Variants in SLC39A9 observed in about 807,000 individuals in gnomAD.
The protein encoded by SLC39A9 is zinc transporter ZIP9.
A neutral mutation model predicts 28.4 loss-of-function variants in SLC39A9; 14 were observed. That is an observed-to-expected ratio of 0.49 (90% CI 0.33 to 0.77). The LOEUF (loss-of-function observed/expected upper bound fraction) is 0.77, where lower values mean the gene tolerates loss of function less well. Ranked by LOEUF, SLC39A9 falls within the 30% of genes least tolerant of loss-of-function variation. SLC39A9 has a pLI of 0.02. For missense variants in SLC39A9, 283 were observed against 381.1 expected (o/e 0.74, Z 2.14); for synonymous variants, 119 against 149.6 (o/e 0.80, Z 1.49).
Position 69,454,802 on chromosome 14 carries a change from C to A in SLC39A9, c.473-10C>A. The A allele has an allele frequency of 1.2e-6, 2 of 1,611,488 alleles. No homozygotes were observed. Among genetic ancestry groups the A allele is most frequent in the Non-Finnish European group, 1.7e-6 (2 of 1,177,776 alleles). ...TATAGTATTTTATGTTTCCTTGTTT[C>A]CAAATATAGCTGATGGTGTTGCTTT... On this transcript the variant is annotated splice_polypyrimidine_tract_variant and intron_variant, in intron 4 of 6. Transcript: ENST00000336643.
In SLC39A9 at chr14:69,459,621, G is replaced by A. The variant is rs921988887; in HGVS notation, c.*1028G>A. 1.0e-6 allele frequency: 1 copy of A among 981,866 alleles called. No individual in the cohort carries two copies. The highest frequency in any genetic ancestry group is 1.2e-6 in the Non-Finnish European group (1 of 827,892). The allele number at this position is 981,866 out of a possible 1,614,324, so 60.8% of individuals were successfully genotyped here. On this transcript the variant is annotated 3_prime_UTR_variant, in exon 7 of 7. Transcript: ENST00000336643. ...ATCCCTCTAGGGACCTAAATACTAG[G>A]TCAGCTTTGGCGACACTGTGTCTTC...
At chr14:69,420,037 A>G (rs182137936) in intron 1 of SLC39A9, among the ~76,000 whole-genome samples, 48 of 152,294 alleles carry the variant, frequency 3.2e-4, no homozygotes, top group Non-Finnish European at 6.0e-4. Flanking sequence ...TGATCCTGTC[A>G]TTATGATGTT....
intron 2 of SLC39A9, chr14:69,429,368 A>G (rs1371257984): frequency 6.7e-6 from 1 of 148,938 alleles, no homozygotes; most frequent in African/African-American, 2.5e-5. Flanking sequence ...TCTGAGTGGT[A>G]TTTCATTGTT....
intron 1 of SLC39A9, among the ~76,000 whole-genome samples, chr14:69,410,054 T>C (rs1883182546): frequency 6.6e-6 from 1 of 152,224 alleles, no homozygotes; most frequent in Admixed American, 6.5e-5. Flanking sequence ...TATTTTTCAA[T>C]GGATTTTTGT....
At chr14:69,453,935 C>T (rs1279142132) in intron 4 of SLC39A9, among the ~76,000 whole-genome samples, 5 of 152,220 alleles carry the variant, frequency 3.3e-5, no homozygotes, top group African/African-American at 1.2e-4. Context: ...TCTTTTCATT[C>T]TTGGCTCTAG....
chr14:69,436,546 C>T (rs1029710825), intron 2 of SLC39A9, among the ~76,000 whole-genome samples: 10 of 152,184 alleles, frequency 6.6e-5, no homozygotes, highest in African/African-American at 2.4e-4. Context: ...CCTAAAAGTT[C>T]TGTTTTGTTT....
chr14:69,428,550 T>C (rs775180026), intron 2 of SLC39A9: 5 of 152,632 alleles, frequency 3.3e-5, no homozygotes, highest in Non-Finnish European at 1.5e-5. Flanking sequence ...GAACAAACTT[T>C]CCACTCGATA....
chr14:69,449,954 G>A (rs1175102817), intron 3 of SLC39A9, among the ~76,000 whole-genome samples: 3 of 151,880 alleles, frequency 2.0e-5, no homozygotes, highest in African/African-American at 4.8e-5. Context: ...TTGGGAGGCC[G>A]AGGCGGGTGA....
In SLC39A9 at chr14:69,453,310, G is replaced by A. The variant is rs1331964810; in HGVS notation, c.472+1G>A. The A allele has an allele frequency of 1.2e-6, 2 of 1,613,672 alleles. No individual in the cohort carries two copies. Among genetic ancestry groups the A allele is most frequent in the African/African-American group, 2.7e-5 (2 of 74,910 alleles). ...CTGGGTCTGGTTGTCCATGCTGCAG[G>A]TAGGGTTGGATTGCAGTGGAACTTC... On this transcript the variant is annotated splice_donor_variant, in intron 4 of 6. Coordinates refer to ENST00000336643, the MANE Select transcript of SLC39A9 (RefSeq NM_018375.5). LOFTEE classifies it high-confidence loss of function.
chr14:69,426,508 G>A (rs1245775105), intron 2 of SLC39A9, among the ~76,000 whole-genome samples: 4 of 152,196 alleles, frequency 2.6e-5, no homozygotes, highest in African/African-American at 4.8e-5. Context: ...GTTGGGGTGC[G>A]CCACCCTCCT....
intron 2 of SLC39A9, chr14:69,429,585 CCTCACACCT>C (rs1190436568): frequency 6.6e-6 from 1 of 152,170 alleles, no homozygotes; most frequent in Non-Finnish European, 1.5e-5. Flanking sequence ...ACGCATGGTG[CCTCACACCT>C]GTAGTCCCAG....
intron 1 of SLC39A9, among the ~76,000 whole-genome samples, chr14:69,401,568 C>G (rs1390371828): frequency 6.6e-6 from 1 of 152,050 alleles, no homozygotes; most frequent in Non-Finnish European, 1.5e-5. Flanking sequence ...AGTATTTTTT[C>G]AAACTACCTT....
chr14:69,432,581 T>C (rs1267415779), intron 2 of SLC39A9, among the ~76,000 whole-genome samples: 1 of 152,218 alleles, frequency 6.6e-6, no homozygotes, highest in Non-Finnish European at 1.5e-5. Context: ...GTTTTTGTTT[T>C]TGTTGCAATT....
At chr14:69,418,305 G>A (rs1489804890) in intron 1 of SLC39A9, among the ~76,000 whole-genome samples, 1 of 151,936 alleles carries the variant, frequency 6.6e-6, no homozygotes, top group Non-Finnish European at 1.5e-5. Context: ...TTGCATCCCA[G>A]GGATGAAGTC....
intron 2 of SLC39A9, among the ~76,000 whole-genome samples, chr14:69,434,355 A>G (rs1480895169): frequency 3.4e-5 from 5 of 145,380 alleles, no homozygotes; most frequent in African/African-American, 1.2e-4. Context: ...GAGTACTGGG[A>G]TTACAGGCGT....
chr14:69,432,872 G>C (rs1351810300), intron 2 of SLC39A9, among the ~76,000 whole-genome samples: 1 of 152,088 alleles, frequency 6.6e-6, no homozygotes, highest in Admixed American at 6.6e-5. Flanking sequence ...TGGGTTCTCT[G>C]TTCTGTTCCA....
At chr14:69,439,855 C>A (rs1884956751) in intron 2 of SLC39A9, among the ~76,000 whole-genome samples, 1 of 152,136 alleles carries the variant, frequency 6.6e-6, no homozygotes, top group Admixed American at 6.5e-5. Context: ...TCCTCAGATT[C>A]GTGCTTCTTG....
chr14:69,406,700 A>G (rs1882931457), intron 1 of SLC39A9, among the ~76,000 whole-genome samples: 1 of 151,746 alleles, frequency 6.6e-6, no homozygotes. Context: ...AAAAAAAAAA[A>G]AAGTAGTAGT....
intron 1 of SLC39A9, 148 bp from the exon 2 acceptor site, chr14:69,423,946 A>T: frequency 1.8e-6 from 1 of 562,644 alleles, no homozygotes; most frequent in Non-Finnish European, 3.2e-6. Context: ...GGCATTACTC[A>T]TGCAATTGAT....
Sources: gnomAD v4.1 joint callset for allele counts (sites outside exome capture counted in the v4.1 genomes callset) on GRCh38, gnomAD v4.1.1 for gene constraint, MANE v1.5 for transcripts, NCBI Gene and HGNC (gene_info 2026-07-23, HGNC 2026-07-21) for gene names.